Variants in CASK observed in about 807,000 individuals in gnomAD.
CASK encodes peripheral plasma membrane protein CASK.
In CASK, 4 loss-of-function variants were observed where a neutral mutation model predicts 82.9. The observed-to-expected ratio is 0.05, with a 90% CI of 0.02 to 0.11. The LOEUF (loss-of-function observed/expected upper bound fraction) is 0.11. Among genes scored for constraint, CASK ranks in the 10% least tolerant of loss-of-function variants. The pLI, the probability that CASK is intolerant of heterozygous loss-of-function variation, is 1.00. For synonymous variants in CASK, 259 were observed against 253.5 expected, an observed-to-expected ratio of 1.02 and a Z score of -0.20; for missense variants, 358 against 720.9, an observed-to-expected ratio of 0.50 and a Z score of 5.76.
At chrX:41,696,430 G>C (rs1169636234) in intron 5 of CASK, 10 of 1,191,644 alleles carry the variant, frequency 8.4e-6, no homozygotes, top group Non-Finnish European at 1.1e-5. Context: ...ACTACAGCTC[G>C]TAACTCCTTT....
At chrX:41,867,569 G>T (rs1166228066) in intron 1 of CASK, among the ~76,000 whole-genome samples, 1 of 112,110 alleles carries the variant, frequency 8.9e-6, no homozygotes, top group Non-Finnish European at 1.9e-5. Context: ...TTTTACTAGA[G>T]ACATTGATTG....
intron 1 of CASK, among the ~76,000 whole-genome samples, chrX:41,898,792 T>C (rs1318910848): frequency 1.8e-5 from 2 of 112,086 alleles, no homozygotes; most frequent in Admixed American, 9.4e-5. Flanking sequence ...AAAAAAACAC[T>C]TGGTATGATT....
At chrX:41,729,694 G>A (rs1171055355) in intron 5 of CASK, 1 of 86,685 alleles carries the variant, frequency 1.2e-5, no homozygotes, top group Non-Finnish European at 2.2e-5. Flanking sequence ...AGGTTGCAGT[G>A]AGCCAAGATC....
intron 1 of CASK, among the ~76,000 whole-genome samples, chrX:41,888,313 G>C: frequency 9.0e-6 from 1 of 111,048 alleles, no homozygotes; most frequent in Non-Finnish European, 1.9e-5. Context: ...TTGGTTGGTT[G>C]GTGGTTGGTG....
At chrX:41,732,022 C>T (rs941948937) in intron 5 of CASK, among the ~76,000 whole-genome samples, 2 of 107,568 alleles carry the variant, frequency 1.9e-5, no homozygotes, top group African/African-American at 3.4e-5. Context: ...GCGATCCTCC[C>T]GCTTCAGCCT....
At chrX:41,922,899 C>T (rs748933056) in intron 1 of CASK, 31 bp downstream of exon 1, 5 of 1,197,264 alleles carry the variant, frequency 4.2e-6, no homozygotes, top group South Asian at 3.5e-5. Context: ...TGCATTTTTC[C>T]ACACTCCCGC....
chrX:41,825,279 C>G (rs2070638030), intron 2 of CASK, among the ~76,000 whole-genome samples: 2 of 111,386 alleles, frequency 1.8e-5, no homozygotes, highest in Non-Finnish European at 3.8e-5. Flanking sequence ...TGTCTCCTAA[C>G]TGGACCCTGT....
chrX:41,893,520 T>C (rs1339430349), intron 1 of CASK, among the ~76,000 whole-genome samples: 2 of 111,730 alleles, frequency 1.8e-5, no homozygotes, highest in Non-Finnish European at 3.8e-5. Flanking sequence ...TGTGCATGTA[T>C]GCATGTTCAA....
intron 12 of CASK, among the ~76,000 whole-genome samples, chrX:41,596,349 A>G (rs1308583588): frequency 8.9e-6 from 1 of 112,531 alleles, no homozygotes; most frequent in African/African-American, 3.2e-5. Context: ...ATGAATGAGC[A>G]TGGCTGTGTT....
chrX:41,801,985 G>T (rs1262447546), intron 2 of CASK, among the ~76,000 whole-genome samples: 2 of 110,787 alleles, frequency 1.8e-5, no homozygotes, highest in East Asian at 2.8e-4. Flanking sequence ...CTGTCAAACT[G>T]ACCTGCTTAA....
intron 7 of CASK, among the ~76,000 whole-genome samples, chrX:41,662,118 G>A (rs1385900853): frequency 9.0e-6 from 1 of 111,256 alleles, no homozygotes; most frequent in Non-Finnish European, 1.9e-5. Context: ...AAAACAAATT[G>A]GGGAGATTGA....
intron 2 of CASK, among the ~76,000 whole-genome samples, chrX:41,829,175 TATC>T (rs777550642): frequency 1.8e-4 from 20 of 111,259 alleles, no homozygotes; most frequent in Admixed American, 3.8e-4. Flanking sequence ...TTCCTACAAA[TATC>T]ATAAATGTAC....
intron 2 of CASK, among the ~76,000 whole-genome samples, chrX:41,828,415 A>T (rs1221324344): frequency 8.9e-6 from 1 of 111,805 alleles, no homozygotes; most frequent in Non-Finnish European, 1.9e-5. Context: ...TCACTGAATG[A>T]ACAAAAGTGG....
chrX:41,565,301 T>C (rs902827798), intron 16 of CASK, among the ~76,000 whole-genome samples: 2 of 110,410 alleles, frequency 1.8e-5, no homozygotes, highest in African/African-American at 6.6e-5. Flanking sequence ...CAGGAGCCGG[T>C]TTTTCTGAAA....
chrX:41,728,198 A>T, intron 5 of CASK: 1 of 357,623 alleles, frequency 2.8e-6, no homozygotes, highest in Non-Finnish European at 4.9e-6. Context: ...ATAAAACTCA[A>T]AAAACAGTTA....
intron 5 of CASK, among the ~76,000 whole-genome samples, chrX:41,678,691 G>A (rs1046082475): frequency 9.0e-6 from 1 of 110,834 alleles, no homozygotes; most frequent in East Asian, 2.8e-4. Context: ...CCCATAATTA[G>A]AGGTGCCAAA....
At chrX:41,566,876 G>A (rs1013025665) in intron 16 of CASK, among the ~76,000 whole-genome samples, 3 of 111,655 alleles carry the variant, frequency 2.7e-5, no homozygotes, top group Admixed American at 9.5e-5. Context: ...CATGGTACTC[G>A]TACCAAAACA....
At chrX:41,569,804 C>T (rs1334293730) in intron 15 of CASK, 58 bp from the exon 16 acceptor site, 12 of 684,707 alleles carry the variant, frequency 1.8e-5, no homozygotes, top group Non-Finnish European at 2.7e-5. Context: ...CAGTGCTTCT[C>T]TTAATATTTG....
chrX:41,672,273 A>T, intron 5 of CASK, among the ~76,000 whole-genome samples: 1 of 110,662 alleles, frequency 9.0e-6, no homozygotes, highest in Non-Finnish European at 1.9e-5. Context: ...CCTTTATATC[A>T]TATGCTTTGT....
Sources: allele counts gnomAD v4.1 joint callset (sites outside exome capture counted in the v4.1 genomes callset), GRCh38; gene constraint gnomAD v4.1.1; transcripts MANE v1.5; gene names NCBI Gene and HGNC (gene_info 2026-07-23, HGNC 2026-07-21).